The following CTNNA2 variants were observed in gnomAD, a reference collection of about 807,000 sequenced individuals.
The protein encoded by CTNNA2 is catenin alpha-2.
A neutral mutation model predicts 101.0 loss-of-function variants in CTNNA2; 42 were observed. That is an observed-to-expected ratio of 0.42 (90% CI 0.32 to 0.54). CTNNA2 has a LOEUF of 0.54. Ranked by LOEUF, CTNNA2 falls within the 20% of genes least tolerant of loss-of-function variation. The pLI, the probability that CTNNA2 is intolerant of heterozygous loss-of-function variation, is 0.14. For missense variants in CTNNA2, 871 were observed against 1,223.1 expected (o/e 0.71, Z 4.29); for synonymous variants, 450 against 456.4 (o/e 0.99, Z 0.18).
chr2:80,573,398 CG>C (rs1208708074), intron 12 of CTNNA2: 1 of 152,212 alleles, frequency 6.6e-6, no homozygotes, highest in East Asian at 1.9e-4. Flanking sequence ...CTTTCACATC[CG>C]GGTGGTCCTG....
At chr2:79,669,399 G>A (rs983250476) in intron 2 of CTNNA2, among the ~76,000 whole-genome samples, 9 of 152,142 alleles carry the variant, frequency 5.9e-5, no homozygotes, top group African/African-American at 1.9e-4. Flanking sequence ...CTGGGGTGTC[G>A]ATTTTTCTGG....
chr2:79,230,000 T>C (rs1180064502), intron 2 of CTNNA2, among the ~76,000 whole-genome samples: 2 of 152,230 alleles, frequency 1.3e-5, no homozygotes, highest in African/African-American at 4.8e-5. Context: ...GGATGTAATT[T>C]GGGTGCTGTT....
intron 7 of CTNNA2, among the ~76,000 whole-genome samples, chr2:80,008,868 C>T (rs1029702380): frequency 2.0e-5 from 3 of 152,282 alleles, no homozygotes; most frequent in Non-Finnish European, 4.4e-5. Context: ...TAATCAGTCC[C>T]TTATTTAGCA....
At chr2:79,471,477 C>G (rs946707282) in intron 4 of CTNNA2, among the ~76,000 whole-genome samples, 1 of 152,124 alleles carries the variant, frequency 6.6e-6, no homozygotes, top group Non-Finnish European at 1.5e-5. Context: ...AATAAGGGCA[C>G]TTATCCCATT....
chr2:79,376,458 T>TTTC (rs1553406744), intron 4 of CTNNA2, among the ~76,000 whole-genome samples: 1 of 151,540 alleles, frequency 6.6e-6, no homozygotes, highest in South Asian at 2.1e-4. Context: ...TTGGTTTTGT[T>TTTC]TTTGTTTTTG....
chr2:80,522,548 A>G (rs1007995375), intron 9 of CTNNA2, among the ~76,000 whole-genome samples: 2 of 152,124 alleles, frequency 1.3e-5, no homozygotes, highest in South Asian at 2.1e-4. Flanking sequence ...TTAGTTTTCT[A>G]TCCTGGAGAT....
chr2:79,574,338 A>C (rs1675650816), intron 1 of CTNNA2: 2 of 152,104 alleles, frequency 1.3e-5, no homozygotes, highest in Admixed American at 1.3e-4. Context: ...TAGTACTCAA[A>C]AGGTAGTTTT....
chr2:79,426,639 C>T (rs1356604444), intron 4 of CTNNA2, among the ~76,000 whole-genome samples: 1 of 152,096 alleles, frequency 6.6e-6, no homozygotes, highest in Non-Finnish European at 1.5e-5. Context: ...CATTATCAGG[C>T]TTGATGCCAG....
At chr2:79,288,109 C>T (rs757811522) in intron 2 of CTNNA2, among the ~76,000 whole-genome samples, 25 of 152,196 alleles carry the variant, frequency 1.6e-4, no homozygotes, top group South Asian at 2.1e-4. Flanking sequence ...CTTCACCTCG[C>T]GCATGGTGCG....
chr2:80,435,758 A>G (rs1466065378), intron 9 of CTNNA2, among the ~76,000 whole-genome samples: 1 of 152,246 alleles, frequency 6.6e-6, no homozygotes, highest in Non-Finnish European at 1.5e-5. Context: ...TAAGCGCTTA[A>G]TAGCTGAGGG....
chr2:80,399,834 A>C (rs1164056684), intron 8 of CTNNA2, among the ~76,000 whole-genome samples: 1 of 152,234 alleles, frequency 6.6e-6, no homozygotes, highest in African/African-American at 2.4e-5. Flanking sequence ...ATTTTTCAGC[A>C]TGAAATTCCT....
chr2:79,700,527 G>A (rs1684934730), intron 2 of CTNNA2, among the ~76,000 whole-genome samples: 1 of 152,066 alleles, frequency 6.6e-6, no homozygotes, highest in Non-Finnish European at 1.5e-5. Context: ...GGATCAAGGG[G>A]CCTAAAGACA....
intron 7 of CTNNA2, among the ~76,000 whole-genome samples, chr2:80,372,695 T>A (rs76372224): frequency 4.0e-5 from 6 of 151,410 alleles, no homozygotes; most frequent in African/African-American, 1.5e-4. Flanking sequence ...TTTTTTTTTT[T>A]TTATTGAGCC....
chr2:79,748,097 C>G (rs914237333), intron 3 of CTNNA2, among the ~76,000 whole-genome samples: 6 of 152,190 alleles, frequency 3.9e-5, no homozygotes, highest in Non-Finnish European at 8.8e-5. Context: ...TGCCCAGAAG[C>G]TCTTATCTCC....
rs1171224652 is a variant in CTNNA2, at chr2:80,209,594, T to TACAC, written c.1057-183613_1057-183610dup. ...TTTTGTCATAGCCCACTCATTCTCA[T>TACAC]ACACACAGACACACACACACACACA... On this transcript the variant is annotated intron_variant, in intron 7 of 18. Transcript: ENST00000402739. Among the ~76,000 whole-genome samples the TACAC allele has an allele frequency of 4.6e-3, 703 of 151,358 alleles. 4 individuals are homozygous for TACAC. The highest frequency in any genetic ancestry group is 0.016 in the African/African-American group (650 of 41,012).
At chr2:80,152,842 C>T (rs1419676306) in intron 7 of CTNNA2, among the ~76,000 whole-genome samples, 2 of 152,166 alleles carry the variant, frequency 1.3e-5, no homozygotes, top group Non-Finnish European at 2.9e-5. Context: ...TGCTAGAGTT[C>T]AGAAATCTTT....
chr2:79,686,661 A>G (rs1683952023), intron 2 of CTNNA2, among the ~76,000 whole-genome samples: 1 of 152,184 alleles, frequency 6.6e-6, no homozygotes, highest in Non-Finnish European at 1.5e-5. Context: ...CCATTAAACA[A>G]ACAAATGATG....
intron 4 of CTNNA2, among the ~76,000 whole-genome samples, chr2:79,399,973 G>T (rs1678272073): frequency 6.6e-6 from 1 of 152,074 alleles, no homozygotes; most frequent in African/African-American, 2.4e-5. Flanking sequence ...CATAGCCTCA[G>T]GAGGTCCTCA....
chr2:79,972,530 AG>A (rs1690554802), intron 7 of CTNNA2, among the ~76,000 whole-genome samples: 2 of 152,196 alleles, frequency 1.3e-5, no homozygotes, highest in Non-Finnish European at 2.9e-5. Context: ...TTCACAAGAC[AG>A]GGAAAAGACA....
Sources: allele counts gnomAD v4.1 joint callset (sites outside exome capture counted in the v4.1 genomes callset), GRCh38; gene constraint gnomAD v4.1.1; transcripts MANE v1.5; gene names NCBI Gene and HGNC (gene_info 2026-07-23, HGNC 2026-07-21).